Variants in SULF2 observed in about 807,000 individuals in gnomAD.
SULF2 encodes the protein sulfatase 2.
In SULF2, 52 loss-of-function variants were observed where a neutral mutation model predicts 107.7. The observed-to-expected ratio is 0.48, with a 90% CI of 0.39 to 0.61. The LOEUF (loss-of-function observed/expected upper bound fraction) is 0.61, where lower values mean the gene tolerates loss of function less well. SULF2 is among the 20% of genes least tolerant of loss of function. The pLI is 0.00. For synonymous variants in SULF2, 460 were observed against 464.3 expected (o/e 0.99, Z 0.12); for missense variants, 993 against 1,177.3 (o/e 0.84, Z 2.29).
intron 1 of SULF2, among the ~76,000 whole-genome samples, chr20:47,774,234 G>A (rs1432323320): frequency 1.3e-5 from 2 of 152,240 alleles, no homozygotes; most frequent in Non-Finnish European, 2.9e-5. Context: ...CCGGCAAGTG[G>A]GAGGAAAGCC....
intron 2 of SULF2, among the ~76,000 whole-genome samples, chr20:47,747,679 C>T (rs1034137721): frequency 6.6e-6 from 1 of 152,162 alleles, no homozygotes; most frequent in Non-Finnish European, 1.5e-5. Context: ...GCTGCCCAGC[C>T]ACAGGCCTGG....
chr20:47,730,030 G>A (rs936354749), intron 3 of SULF2, among the ~76,000 whole-genome samples: 1 of 148,250 alleles, frequency 6.7e-6, no homozygotes, highest in Admixed American at 6.7e-5. Flanking sequence ...TAGATGGGGT[G>A]GGGTCATCAG....
In SULF2 at chr20:47,716,784, CA is replaced by C. The variant is rs763373835; in HGVS notation, c.416-14115del. Among the ~76,000 whole-genome samples the C allele has an allele frequency of 1.5e-4, 23 of 152,114 alleles. 1 individual carries two copies. The South Asian group carries it at 2.7e-3, about 18-fold the overall frequency. On this transcript the variant is annotated intron_variant, in intron 3 of 20. Transcript: ENST00000688720. ...GCCAAGGCAGGAGGATTGCTTGAAG[CA>C]AAAAGTTTGAGACCAGCCTGCGTGA... is the stretch of plus-strand genomic sequence containing the variant.
chr20:47,728,381 T>C (rs965171352), intron 3 of SULF2, among the ~76,000 whole-genome samples: 1 of 152,076 alleles, frequency 6.6e-6, no homozygotes, highest in African/African-American at 2.4e-5. Flanking sequence ...CAGTCTTCTC[T>C]TCCCTGTGTG....
chr20:47,707,855 C>T (rs777532709), intron 3 of SULF2, among the ~76,000 whole-genome samples: 3 of 152,172 alleles, frequency 2.0e-5, no homozygotes, highest in African/African-American at 7.2e-5. Context: ...ACTTTCTACT[C>T]GTGGCAAACA....
intron 5 of SULF2, among the ~76,000 whole-genome samples, chr20:47,688,225 C>T (rs1373192747): frequency 6.6e-6 from 1 of 152,110 alleles, no homozygotes; most frequent in Admixed American, 6.6e-5. Context: ...CCCCTCTCCA[C>T]CCCTTCTTGA....
At chr20:47,684,113 A>G (rs1027792048) in intron 6 of SULF2, among the ~76,000 whole-genome samples, 2 of 152,240 alleles carry the variant, frequency 1.3e-5, no homozygotes, top group African/African-American at 4.8e-5. Context: ...AGAATTGCAC[A>G]CTTTAATTGG....
intron 5 of SULF2, among the ~76,000 whole-genome samples, chr20:47,687,838 A>G (rs1185846474): frequency 6.6e-6 from 1 of 151,246 alleles, no homozygotes; most frequent in Non-Finnish European, 1.5e-5. Flanking sequence ...CTTTCCAGTA[A>G]CTGGGACTAC....
At chr20:47,745,466 C>T (rs1394806746) in intron 2 of SULF2, among the ~76,000 whole-genome samples, 5 of 95,926 alleles carry the variant, frequency 5.2e-5, no homozygotes, top group Non-Finnish European at 7.9e-5. Flanking sequence ...TACACATACA[C>T]ACACACTTTT....
intron 1 of SULF2, among the ~76,000 whole-genome samples, chr20:47,759,242 G>A (rs4810682): frequency 0.7 from 106,021 of 151,986 alleles, 39,260 homozygotes; most frequent in South Asian, 0.82. Context: ...CACAGGATAA[G>A]ATGCAAACTT....
chr20:47,658,043 T>C lies in SULF2; in HGVS notation c.*319A>G, dbSNP rs557131196. ...GGAGAAATTTCCAAGGAAATCTCTC[T>C]CGCTCGCTCTCTCCGTTTTCCTTTG... On this transcript the variant is annotated 3_prime_UTR_variant, in exon 21 of 21. Coordinates refer to ENST00000688720, the MANE Select transcript of SULF2 (RefSeq NM_001387048.1). The C allele has an allele frequency of 8.3e-5, 29 of 350,556 alleles. No individual in the cohort carries two copies. The highest frequency in any genetic ancestry group is 7.8e-4 in the Middle Eastern group (1 of 1,274). The allele number at this position is 350,556 out of a possible 1,614,324, so 21.7% of individuals were successfully genotyped here.
intron 10 of SULF2, among the ~76,000 whole-genome samples, chr20:47,675,189 C>T (rs2087601442): frequency 1.3e-5 from 2 of 152,156 alleles, no homozygotes; most frequent in African/African-American, 4.8e-5. Context: ...CTGGCCTCCT[C>T]ATTTCACTCC....
intron 1 of SULF2, among the ~76,000 whole-genome samples, chr20:47,764,071 C>T (rs975740886): frequency 2.0e-5 from 3 of 152,304 alleles, no homozygotes; most frequent in African/African-American, 7.2e-5. Context: ...ACCCCAGGGC[C>T]CTTGAACTTG....
chr20:47,768,949 T>C lies in SULF2; in HGVS notation c.-100-11486A>G, dbSNP rs1315262288. Among the ~76,000 whole-genome samples, 6 of 149,590 alleles carry C rather than the reference T, an allele frequency of 4.0e-5. 1 individual carries two copies. The Admixed American group carries it at 4.0e-4, about 10-fold the overall frequency. ...AGGCTGGAGTACAGTGGCATGACCT[T>C]GGCTCACTGCAACCTCCACCTCCCA... On this transcript the variant is annotated intron_variant, in intron 1 of 20. Transcript: ENST00000688720.
intron 5 of SULF2, 53 bp downstream of exon 5, chr20:47,690,073 C>A: frequency 7.4e-7 from 1 of 1,348,266 alleles, no homozygotes; most frequent in Non-Finnish European, 9.6e-7. Flanking sequence ...AAAGCCTGAC[C>A]CTCCCCCTTC....
chr20:47,720,221 G>T (rs1200723743), intron 3 of SULF2, among the ~76,000 whole-genome samples: 1 of 152,014 alleles, frequency 6.6e-6, no homozygotes, highest in African/African-American at 2.4e-5. Flanking sequence ...TGAAAGTGCT[G>T]GAATTACAGG....
At chr20:47,762,646 G>T (rs528104467) in intron 1 of SULF2, among the ~76,000 whole-genome samples, 4 of 152,364 alleles carry the variant, frequency 2.6e-5, no homozygotes, top group Non-Finnish European at 4.4e-5. Context: ...CATTTGCCAG[G>T]TGGCCAGGTG....
chr20:47,668,042 C>T (rs1193069354), intron 11 of SULF2, among the ~76,000 whole-genome samples: 1 of 152,236 alleles, frequency 6.6e-6, no homozygotes, highest in Non-Finnish European at 1.5e-5. Context: ...CACTTCTCTC[C>T]CTCGGTTTAG....
In SULF2 at chr20:47,676,485, C is replaced by A; in HGVS notation, c.1380+9G>T. ...GGGGAGCCGTTGGGAGGGAAGGGAG[C>A]CTTCTTACCTGTCCCAGCTGCTCAC... On this transcript the variant is annotated intron_variant, in intron 10 of 20. Transcript: ENST00000688720. 1 of 1,606,040 alleles carries A rather than the reference C, an allele frequency of 6.2e-7. No individual in the cohort carries two copies.
Sources: gnomAD v4.1 joint callset for allele counts (sites outside exome capture counted in the v4.1 genomes callset) on GRCh38, gnomAD v4.1.1 for gene constraint, MANE v1.5 for transcripts, NCBI Gene and HGNC (gene_info 2026-07-23, HGNC 2026-07-21) for gene names.